The following BCO2 variants were observed in gnomAD, a reference collection of about 807,000 sequenced individuals.
The protein encoded by BCO2 is beta-carotene oxygenase 2.
A neutral mutation model predicts 65.8 loss-of-function variants in BCO2; 56 were observed. The ratio of observed to expected loss-of-function variants is 0.85; its 90% CI spans 0.69 to 1.06. The LOEUF (loss-of-function observed/expected upper bound fraction) is 1.06, where lower values mean the gene tolerates loss of function less well. Among genes scored for constraint, BCO2 ranks in the 50% least tolerant of loss-of-function variants. The pLI is 0.00. For missense variants in BCO2, 675 were observed against 698.5 expected, an observed-to-expected ratio of 0.97 and a Z score of 0.38; for synonymous variants, 233 against 242.3, an observed-to-expected ratio of 0.96 and a Z score of 0.36.
At chr11:112,217,726 A>AAAG in intron 11 of BCO2, 35 bp from the exon 12 acceptor site, 1 of 1,525,324 alleles carries the variant, frequency 6.6e-7, no homozygotes, top group Non-Finnish European at 9.1e-7. Flanking sequence ...TTGATGAAAA[A>AAAG]AAGATAATTT....
chr11:112,189,130 C>T (rs1361025931), intron 2 of BCO2, among the ~76,000 whole-genome samples: 2 of 152,056 alleles, frequency 1.3e-5, no homozygotes, highest in African/African-American at 4.8e-5. Flanking sequence ...ACTTTGAAGG[C>T]CTTTATGCAA....
intron 8 of BCO2, among the ~76,000 whole-genome samples, chr11:112,206,964 T>C (rs1859361612): frequency 2.0e-5 from 3 of 152,250 alleles, no homozygotes; most frequent in Non-Finnish European, 4.4e-5. Context: ...TGGTATCTTT[T>C]AAGCTTTCAT....
In BCO2 at chr11:112,218,442, CA is replaced by C; in HGVS notation, c.*571del. The stretch of plus-strand genomic sequence containing the variant: ...TAGCATGTGCAATTTGTGAAGCTGC[CA>C]AAGCGTTAGACAAGCACCAAGCCCA... On this transcript the variant is annotated 3_prime_UTR_variant, in exon 12 of 12. Coordinates refer to ENST00000357685, the MANE Select transcript of BCO2 (RefSeq NM_031938.7). 1 of 219,572 alleles carries C rather than the reference CA, an allele frequency of 4.6e-6. No individual in the cohort carries two copies. Among genetic ancestry groups the C allele is most frequent in the South Asian group, 7.0e-5 (1 of 14,266 alleles). The allele number at this position is 219,572 out of a possible 1,614,324, so 13.6% of individuals were successfully genotyped here.
chr11:112,193,349 C>A, intron 2 of BCO2, 125 bp from the exon 3 acceptor site: 2 of 872,860 alleles, frequency 2.3e-6, no homozygotes, highest in Non-Finnish European at 3.5e-6. Context: ...TCTGACTAAT[C>A]AGGTTGTGCT....
intron 1 of BCO2, 102 bp downstream of exon 1, chr11:112,175,791 C>A: frequency 1.0e-6 from 1 of 1,001,744 alleles, no homozygotes. Flanking sequence ...GCTTCTGAAG[C>A]TTTGTGTCCT....
intron 7 of BCO2, 84 bp from the exon 8 acceptor site, chr11:112,201,939 C>G (rs949423942): frequency 1.8e-5 from 22 of 1,249,868 alleles, no homozygotes; most frequent in Non-Finnish European, 2.4e-5. Context: ...TTATTTTGAA[C>G]TTTTTGGACC....
intron 3 of BCO2, 47 bp from the exon 4 acceptor site, chr11:112,193,832 T>C (rs770261950): frequency 4.8e-6 from 7 of 1,457,204 alleles, no homozygotes; most frequent in South Asian, 3.4e-5. Context: ...CTTAGCGTCG[T>C]CTACAGTAAG....
At chr11:112,175,850 A>G (rs575190866) in intron 1 of BCO2, 161 bp downstream of exon 1, 6 of 547,894 alleles carry the variant, frequency 1.1e-5, no homozygotes, top group South Asian at 9.8e-5. Flanking sequence ...GAAGTTAAAG[A>G]AGGCTGAGTT....
chr11:112,184,617 AT>A (rs768534699), intron 2 of BCO2, among the ~76,000 whole-genome samples: 3 of 152,180 alleles, frequency 2.0e-5, no homozygotes, highest in Admixed American at 6.5e-5. Flanking sequence ...TAAAGTAAAA[AT>A]AAAGGCATTT....
chr11:112,195,019 TCTATC>T (rs199726061), intron 5 of BCO2, among the ~76,000 whole-genome samples: 201 of 142,606 alleles, frequency 1.4e-3, no homozygotes, highest in African/African-American at 4.7e-3. Context: ...TTTTGGTCTA[TCTATC>T]TTATCTTGAT....
chr11:112,191,109 G>A (rs1238093730), intron 2 of BCO2, among the ~76,000 whole-genome samples: 1 of 151,506 alleles, frequency 6.6e-6, no homozygotes, highest in Non-Finnish European at 1.5e-5. Context: ...CTTCACTACT[G>A]TTCAACATTG....
At position 112,182,662 on chromosome 11, in the gene BCO2, G is replaced by T. The variant is rs1158159268; in HGVS notation, c.293+3180G>T. 4.6e-5 allele frequency among the ~76,000 whole-genome samples: 7 copies of T among 151,626 alleles called. No individual in the cohort carries two copies. The South Asian group carries it at 1.5e-3, about 32-fold the overall frequency. ...TGGGAATTGAACAATGAGAACACTT[G>T]GACACAGGATGGGGAACATCACACA... On this transcript the variant is annotated intron_variant, in intron 2 of 11. Transcript: ENST00000357685.
At chr11:112,192,665 T>TTTTC (rs891367103) in intron 2 of BCO2, among the ~76,000 whole-genome samples, 7 of 148,694 alleles carry the variant, frequency 4.7e-5, no homozygotes, top group African/African-American at 1.5e-4. Context: ...AACTTGTTCT[T>TTTTC]TTTCTTTCTT....
At chr11:112,210,659 T>C (rs1277008503) in intron 8 of BCO2, among the ~76,000 whole-genome samples, 1 of 152,106 alleles carries the variant, frequency 6.6e-6, no homozygotes, top group Non-Finnish European at 1.5e-5. Context: ...AAAAGTAGCG[T>C]GAAGGATCCT....
intron 8 of BCO2, among the ~76,000 whole-genome samples, chr11:112,203,355 C>T (rs1867783486): frequency 6.6e-6 from 1 of 152,158 alleles, no homozygotes; most frequent in South Asian, 2.1e-4. Context: ...GTCTTGACAT[C>T]TGTGGTTGTT....
Position 112,202,147 on chromosome 11 carries a change from A to T in BCO2, c.1151A>T (p.Tyr384Phe), listed in dbSNP as rs751758899. ...GATAATGGAAGAACCCTAGAAGTTT[A>T]CCAGTTACAGAATCTCAGGAAGGCT... ...CQDNGRTLEVYQLQNLRKAGE... is the reference protein window; with the variant it reads ...CQDNGRTLEVFQLQNLRKAGE... Residue 384 changes from tyrosine (Y) to phenylalanine (F), a missense_variant, in exon 8 of 12, where the codon TAC (tyrosine) becomes TTC (phenylalanine). Physicochemically the swap from Tyr to Phe is conservative, Grantham distance 22. Transcript: ENST00000357685. 1.2e-6 allele frequency: 2 copies of T among 1,613,984 alleles called. No individual in the cohort carries two copies. The highest frequency in any genetic ancestry group is 3.3e-5 in the Admixed American group (2 of 59,982).
Position 112,205,966 on chromosome 11 carries a change from A to T in BCO2, c.1194+3776A>T, listed in dbSNP as rs149947961. On this transcript the variant is annotated intron_variant, in intron 8 of 11. Transcript: ENST00000357685. Reference sequence around the variant, plus strand: ...TTTATTTATTTTTAATTAATTAATTAATTAATTTATTTTTAACTTTTAATT... The same window carrying T: ...TTTATTTATTTTTAATTAATTAATTTATTAATTTATTTTTAACTTTTAATT... 1.0e-3 allele frequency among the ~76,000 whole-genome samples: 156 copies of T among 152,034 alleles called. No individual in the cohort carries two copies. The East Asian group carries it at 0.013, about 13-fold the overall frequency.
intron 2 of BCO2, among the ~76,000 whole-genome samples, chr11:112,192,668 T>C (rs1867424278): frequency 6.9e-6 from 1 of 145,738 alleles, no homozygotes. Context: ...TTGTTCTTTT[T>C]CTTTCTTTCT....
intron 2 of BCO2, chr11:112,181,711 CT>C (rs2135348884): frequency 1.0e-6 from 1 of 976,950 alleles, no homozygotes; most frequent in Admixed American, 1.7e-5. Flanking sequence ...TTACTAGCAA[CT>C]CCAACCAAGT....
Sources: gnomAD v4.1 joint callset for allele counts (sites outside exome capture counted in the v4.1 genomes callset) on GRCh38, gnomAD v4.1.1 for gene constraint, MANE v1.5 for transcripts, NCBI Gene and HGNC (gene_info 2026-07-23, HGNC 2026-07-21) for gene names.